The following MYH13 variants were observed in gnomAD, a reference collection of about 807,000 sequenced individuals.
The protein encoded by MYH13 is myosin-13.
A neutral mutation model predicts 232.1 loss-of-function variants in MYH13; 177 were observed. The ratio of observed to expected loss-of-function variants is 0.76; its 90% CI spans 0.67 to 0.86. The LOEUF is 0.86. MYH13 is among the 40% of genes least tolerant of loss of function. The pLI, the probability that MYH13 is intolerant of heterozygous loss-of-function variation, is 0.00. For synonymous variants in MYH13, 884 were observed against 923.5 expected (o/e 0.96, Z 0.78); for missense variants, 2,246 against 2,405.9 (o/e 0.93, Z 1.39).
chr17:10,372,886 G>T (rs1028921568), intron 1 of MYH13, 93 bp downstream of exon 1: 1 of 152,090 alleles, frequency 6.6e-6, no homozygotes, highest in Non-Finnish European at 1.5e-5. Flanking sequence ...CTCCGTAAAG[G>T]CTACTTTATT....
intron 21 of MYH13, among the ~76,000 whole-genome samples, chr17:10,329,289 G>A (rs1299015115): frequency 6.6e-6 from 1 of 152,156 alleles, no homozygotes; most frequent in Admixed American, 6.6e-5. Context: ...AATCCCTGCA[G>A]GTGACTAGTC....
chr17:10,312,063 C>T lies in MYH13; in HGVS notation c.4379G>A (p.Trp1460Ter), dbSNP rs757204394. 9.9e-6 allele frequency: 16 copies of T among 1,613,602 alleles called. 1 individual carries two copies. The South Asian group carries it at 1.6e-4, about 17-fold the overall frequency. The change falls in exon 32 of 41, where the codon TGG (tryptophan) becomes TAG (stop). Residue 1460 changes from tryptophan (W) to a stop codon, truncating the protein, a stop_gained. Transcript: ENST00000252172. LOFTEE classifies it high-confidence loss of function. ...QRNFDKVLAE[W>*]KQKLDESQAE... Reference sequence around the variant, plus strand: ...CTGGCTTTCGTCCAGCTTTTGCTTCCACTCTGCAAGGACCTGGGAGATGAC... The same window carrying T: ...CTGGCTTTCGTCCAGCTTTTGCTTCTACTCTGCAAGGACCTGGGAGATGAC...
intron 22 of MYH13, among the ~76,000 whole-genome samples, chr17:10,325,899 T>A (rs1371678175): frequency 1.3e-5 from 2 of 152,122 alleles, no homozygotes; most frequent in Non-Finnish European, 2.9e-5. Flanking sequence ...ATGGTTTCGA[T>A]CTCTTGATCT....
chr17:10,356,946 A>G (rs1388701416), intron 8 of MYH13, among the ~76,000 whole-genome samples: 1 of 152,134 alleles, frequency 6.6e-6, no homozygotes, highest in African/African-American at 2.4e-5. Flanking sequence ...TATCTTCAGT[A>G]TGAATCTATT....
chr17:10,326,787 C>T (rs1907211448), intron 22 of MYH13, among the ~76,000 whole-genome samples: 1 of 150,008 alleles, frequency 6.7e-6, no homozygotes, highest in African/African-American at 2.5e-5. Flanking sequence ...TATACTGCCC[C>T]ATTTCTTTGA....
chr17:10,311,613 A>T (rs1293738555), intron 32 of MYH13, among the ~76,000 whole-genome samples: 1 of 152,202 alleles, frequency 6.6e-6, no homozygotes, highest in Non-Finnish European at 1.5e-5. Flanking sequence ...ATTCAGTGGC[A>T]TGTGCAAGAA....
intron 27 of MYH13, among the ~76,000 whole-genome samples, chr17:10,316,363 A>C (rs1906712571): frequency 6.6e-6 from 1 of 152,102 alleles, no homozygotes; most frequent in Admixed American, 6.5e-5. Flanking sequence ...CGGGAGGCTG[A>C]GGCAGGAGAA....
chr17:10,362,717 A>G (rs2071803974), intron 3 of MYH13, among the ~76,000 whole-genome samples: 1 of 152,176 alleles, frequency 6.6e-6, no homozygotes, highest in Admixed American at 6.5e-5. Context: ...TTCTGGTCTG[A>G]TGCCCCTCAG....
At chr17:10,322,685 G>A (rs967644640) in intron 23 of MYH13, among the ~76,000 whole-genome samples, 2 of 141,548 alleles carry the variant, frequency 1.4e-5, no homozygotes, top group African/African-American at 2.6e-5. Flanking sequence ...CCAGGCTGGA[G>A]TGCAGTGGCG....
intron 18 of MYH13, among the ~76,000 whole-genome samples, chr17:10,339,702 C>G (rs1174592545): frequency 2.0e-5 from 3 of 152,156 alleles, no homozygotes; most frequent in Non-Finnish European, 4.4e-5. Flanking sequence ...AGATGCCCTG[C>G]TGAATGTGAA....
At chr17:10,307,520 A>G (rs969191813) in intron 35 of MYH13, among the ~76,000 whole-genome samples, 2 of 152,368 alleles carry the variant, frequency 1.3e-5, no homozygotes, top group East Asian at 3.9e-4. Context: ...ATCAATTAAA[A>G]AAAGGGCAAA....
In MYH13 at chr17:10,304,399, G is replaced by A. The variant is rs1597881089; in HGVS notation, c.5467-901C>T. On this transcript the variant is annotated intron_variant, in intron 37 of 40. Coordinates refer to ENST00000252172, the MANE Select transcript of MYH13 (RefSeq NM_003802.3). The surrounding 1 kb of genome is among the most constrained non-coding windows in gnomAD (Gnocchi z 5.3). Reference sequence around the variant, plus strand: ...CCTTACTGGGCAGAGGCAGCCTCAGGTGCACAGAGCATAGCTGGTGGGTCA... The same window carrying A: ...CCTTACTGGGCAGAGGCAGCCTCAGATGCACAGAGCATAGCTGGTGGGTCA... 6.6e-6 allele frequency among the ~76,000 whole-genome samples: 1 copy of A among 152,352 alleles called. No individual in the cohort carries two copies. The highest frequency in any genetic ancestry group is 1.9e-4 in the East Asian group (1 of 5,184).
chr17:10,355,980 T>TG (rs1211659514), intron 8 of MYH13, among the ~76,000 whole-genome samples: 1 of 151,980 alleles, frequency 6.6e-6, no homozygotes, highest in Non-Finnish European at 1.5e-5. Context: ...CCTGGCTCCC[T>TG]GGCTGCCAAA....
intron 31 of MYH13, 102 bp downstream of exon 31, chr17:10,312,472 A>G (rs1336855180): frequency 3.6e-6 from 5 of 1,374,750 alleles, no homozygotes; most frequent in Admixed American, 2.4e-5. Context: ...ACTGCAAAAC[A>G]TTTGTCCCTT....
At chr17:10,341,670 G>A (rs562494895) in intron 16 of MYH13, among the ~76,000 whole-genome samples, 85 of 152,194 alleles carry the variant, frequency 5.6e-4, no homozygotes, top group African/African-American at 2.0e-3. Context: ...TGTTTGGATT[G>A]GGGAAGTGAA....
intron 27 of MYH13, among the ~76,000 whole-genome samples, chr17:10,316,550 T>C (rs966187072): frequency 1.3e-5 from 2 of 152,228 alleles, no homozygotes; most frequent in Non-Finnish European, 2.9e-5. Flanking sequence ...ATTTAATGAT[T>C]TGTAAACAAC....
chr17:10,309,943 TA>T (rs201700838), intron 33 of MYH13, 113 bp from the exon 34 acceptor site: 89 of 955,720 alleles, frequency 9.3e-5, no homozygotes, highest in African/African-American at 7.5e-4. Context: ...AAATTAAATT[TA>T]AATTTTTTTT....
intron 15 of MYH13, among the ~76,000 whole-genome samples, chr17:10,344,735 C>T (rs879434078): frequency 3.4e-5 from 5 of 148,942 alleles, no homozygotes; most frequent in African/African-American, 5.0e-5. Context: ...GCAGGAGGAT[C>T]GCTTGAACCT....
chr17:10,312,171 G>A, intron 31 of MYH13, 95 bp from the exon 32 acceptor site: 1 of 1,398,656 alleles, frequency 7.1e-7, no homozygotes, highest in Non-Finnish European at 9.8e-7. Context: ...CCAACGTTTT[G>A]CCCTTCCATC....
Sources: gnomAD v4.1 joint callset for allele counts (sites outside exome capture counted in the v4.1 genomes callset) on GRCh38, gnomAD v4.1.1 for gene constraint, Gnocchi (gnomAD v3.1) non-coding constraint, MANE v1.5 for transcripts, NCBI Gene and HGNC (gene_info 2026-07-23, HGNC 2026-07-21) for gene names.